LRRC56: variants seen among roughly 807,000 people sequenced by gnomAD.
LRRC56 encodes leucine rich repeat containing 56, also known as leucine-rich repeat-containing protein 56.
A neutral mutation model predicts 47.8 loss-of-function variants in LRRC56; 41 were observed. That is an observed-to-expected ratio of 0.86 (90% confidence interval 0.67 to 1.11). The LOEUF (loss-of-function observed/expected upper bound fraction) is 1.11, where lower values mean the gene tolerates loss of function less well. Ranked by LOEUF, LRRC56 falls within the 50% of genes most tolerant of loss-of-function variation. The pLI, the probability that LRRC56 is intolerant of heterozygous loss-of-function variation, is 0.00. For missense variants in LRRC56, 759 were observed against 704.2 expected (o/e 1.08, Z -0.88); for synonymous variants, 387 against 311.2 (o/e 1.24, Z -2.56).
the LRRC56 span, among the ~76,000 whole-genome samples, chr11:508,406 G>C: frequency 1.3e-3 from 194 of 152,354 alleles, no homozygotes; most frequent in Non-Finnish European, 2.4e-3. Context: ...TGATCCTCCT[G>C]CTTCAGCCTC....
chr11:541,687 C>G lies in LRRC56; in HGVS notation c.265+63C>G. Reference sequence around the variant, plus strand: ...GCCACGCCTCCCTGTAAACAACACACGTTTCCTGGTTATGACGACAAAGCT... The same window carrying G: ...GCCACGCCTCCCTGTAAACAACACAGGTTTCCTGGTTATGACGACAAAGCT... On this transcript the variant is annotated intron_variant, in intron 5 of 13. Transcript: ENST00000270115. The surrounding 1 kb of genome is among the most constrained non-coding windows in gnomAD (Gnocchi z 4.1). 1 of 1,037,864 alleles carries G rather than the reference C, an allele frequency of 9.6e-7. No individual in the cohort carries two copies. The allele number at this position is 1,037,864 out of a possible 1,614,324, so 64.3% of individuals were successfully genotyped here.
the LRRC56 span, among the ~76,000 whole-genome samples, chr11:525,904 TAAA>T: frequency 6.9e-6 from 1 of 145,338 alleles, no homozygotes; most frequent in Admixed American, 6.8e-5. Context: ...CTCCAACAAA[TAAA>T]TAAATAGGCC....
chr11:513,296 G>A, the LRRC56 span, among the ~76,000 whole-genome samples: 1 of 152,118 alleles, frequency 6.6e-6, no homozygotes, highest in Non-Finnish European at 1.5e-5. Context: ...GGGATTACAG[G>A]CACACGCCAC....
chr11:513,779 G>A, the LRRC56 span, among the ~76,000 whole-genome samples: 5 of 146,640 alleles, frequency 3.4e-5, no homozygotes, highest in East Asian at 4.1e-4. Context: ...CCGAGATCAC[G>A]CCATTGAACT....
upstream of LRRC56, among the ~76,000 whole-genome samples, chr11:536,116 T>C (rs1283700142): frequency 6.6e-6 from 1 of 152,068 alleles, no homozygotes; most frequent in East Asian, 1.9e-4. Flanking sequence ...GCACCCCAGC[T>C]CCCCTACTCC....
At chr11:519,120 C>T in the LRRC56 span, among the ~76,000 whole-genome samples, 1 of 152,146 alleles carries the variant, frequency 6.6e-6, no homozygotes, top group Non-Finnish European at 1.5e-5. Context: ...AAGAACTACC[C>T]AAAAGCTAGA....
the LRRC56 span, among the ~76,000 whole-genome samples, chr11:518,491 A>C: frequency 1.3e-5 from 2 of 150,816 alleles, no homozygotes; most frequent in African/African-American, 2.4e-5. Flanking sequence ...CAGCTTTTTA[A>C]ATTTTTTTTG....
chr11:541,427 ACGT>A lies in LRRC56; in HGVS notation c.178-107_178-105del. ...GGGCCAACATGGCCCAGGCAGGGAA[ACGT>A]CGGTGCCTGCTCCAGCGGGAGCCCC... On this transcript the variant is annotated intron_variant, in intron 4 of 13. Coordinates refer to ENST00000270115, the MANE Select transcript of LRRC56 (RefSeq NM_198075.4). This position sits in a 1 kb window ranked among gnomAD's most constrained non-coding sequence, Gnocchi z 4.1. The A allele has an allele frequency of 3.6e-6, 2 of 556,438 alleles. No homozygotes were observed. Among genetic ancestry groups the A allele is most frequent in the South Asian group, 3.5e-5 (1 of 28,706 alleles). 34.5% of individuals were successfully genotyped at this position (556,438 alleles called of 1,614,324 possible).
chr11:508,714 C>G, the LRRC56 span, among the ~76,000 whole-genome samples: 3 of 151,040 alleles, frequency 2.0e-5, no homozygotes, highest in Non-Finnish European at 4.4e-5. Flanking sequence ...TTGCAGCGAG[C>G]CTAGACCACA....
At chr11:526,332 A>G in the LRRC56 span, among the ~76,000 whole-genome samples, 4 of 152,208 alleles carry the variant, frequency 2.6e-5, no homozygotes, top group African/African-American at 4.8e-5. Flanking sequence ...AGCCAACTGC[A>G]AACTGAAACC....
chr11:554,695 GC>G lies in LRRC56; in HGVS notation c.*422del. On this transcript the variant is annotated 3_prime_UTR_variant, in exon 14 of 14. Transcript: ENST00000270115. Reference sequence around the variant, plus strand: ...AAGAGCCACCTCCTAGGCCGCAGTGGCCCAAGGTCCCAGCTGCTCGCCTGAG... The same window carrying G: ...AAGAGCCACCTCCTAGGCCGCAGTGGCCAAGGTCCCAGCTGCTCGCCTGAG... The G allele has an allele frequency of 2.3e-6, 1 of 438,416 alleles. No homozygotes were observed. The highest frequency in any genetic ancestry group is 4.3e-5 in the Admixed American group (1 of 23,170). 27.2% of individuals were successfully genotyped at this position (438,416 alleles called of 1,614,324 possible). A position where few individuals can be genotyped will look rare whatever the true frequency, so the allele number is the denominator to read the frequency against.
chr11:538,117 A>T (rs980435962), intron 1 of LRRC56, among the ~76,000 whole-genome samples: 1 of 152,250 alleles, frequency 6.6e-6, no homozygotes, highest in Non-Finnish European at 1.5e-5. Context: ...GGGTGAGAAC[A>T]CTAGGTGCAG....
chr11:510,196 A>G, the LRRC56 span, among the ~76,000 whole-genome samples: 2 of 152,338 alleles, frequency 1.3e-5, no homozygotes, highest in East Asian at 3.9e-4. Context: ...CCCAGTGTTC[A>G]TGAGATGCCA....
rs1702920372 is a variant in LRRC56, at chr11:539,619, A to C, written c.-119A>C. On this transcript the variant is annotated 5_prime_UTR_variant, in exon 3 of 14. Transcript: ENST00000270115. Reference sequence around the variant, plus strand: ...CACCGTGTTAGCCAGGATGGTCTCAATCTCCTGACCTCGTGATCTGCCCGC... The same window carrying C: ...CACCGTGTTAGCCAGGATGGTCTCACTCTCCTGACCTCGTGATCTGCCCGC... The C allele has an allele frequency of 1.3e-5, 2 of 149,532 alleles. No homozygotes were observed. The highest frequency in any genetic ancestry group is 5.0e-5 in the African/African-American group (2 of 40,314). 9.3% of individuals were successfully genotyped at this position (149,532 alleles called of 1,614,324 possible). A position where few individuals can be genotyped will look rare whatever the true frequency, so the allele number is the denominator to read the frequency against.
chr11:547,316 C>T (rs900986935), intron 6 of LRRC56, among the ~76,000 whole-genome samples: 3 of 148,330 alleles, frequency 2.0e-5, no homozygotes, highest in Non-Finnish European at 4.5e-5. Flanking sequence ...GATGGCTGTA[C>T]TTTTTTTTTT....
chr11:551,616 G>A lies in LRRC56; in HGVS notation c.797-35G>A, dbSNP rs1852396781. The A allele has an allele frequency of 2.0e-6, 3 of 1,525,062 alleles. No individual in the cohort carries two copies. In the Admixed American group the frequency reaches 6.4e-5, roughly 33 times the overall value. 94.5% of individuals were successfully genotyped at this position (1,525,062 alleles called of 1,614,324 possible). ...GAGTCTGGGGGGCGCTCTCAGGCTGGGCCTTGGTGACCTCTGCTTCTGAAC... is the reference window on the plus strand; with the variant it reads ...GAGTCTGGGGGGCGCTCTCAGGCTGAGCCTTGGTGACCTCTGCTTCTGAAC... On this transcript the variant is annotated intron_variant, in intron 9 of 13. Coordinates refer to ENST00000270115, the MANE Select transcript of LRRC56 (RefSeq NM_198075.4).
the LRRC56 span, among the ~76,000 whole-genome samples, chr11:525,324 G>A: frequency 6.6e-5 from 10 of 151,994 alleles, no homozygotes; most frequent in Non-Finnish European, 1.2e-4. Context: ...CGGATCACGA[G>A]GTCAGGAGAT....
chr11:548,806 G>A (rs916773881), intron 6 of LRRC56, among the ~76,000 whole-genome samples: 3 of 152,252 alleles, frequency 2.0e-5, no homozygotes, highest in African/African-American at 7.2e-5. Context: ...CTTAGACGTC[G>A]CCACAGTGGA....
At position 551,896 on chromosome 11, in the gene LRRC56, C is replaced by T; in HGVS notation, c.974-7C>T. 1 of 1,612,662 alleles carries T rather than the reference C, an allele frequency of 6.2e-7. No individual in the cohort carries two copies. The highest frequency in any genetic ancestry group is 8.5e-7 in the Non-Finnish European group (1 of 1,179,872). The stretch of plus-strand genomic sequence containing the variant: ...CGAACCAGGCCCAGCCATGCTGTCT[C>T]TTGCAGGTGCTGGCCAAGTCCTCTG... On this transcript the variant is annotated splice_polypyrimidine_tract_variant and splice_region_variant and intron_variant, in intron 10 of 13. Coordinates refer to ENST00000270115, the MANE Select transcript of LRRC56 (RefSeq NM_198075.4).
Sources: allele counts gnomAD v4.1 joint callset (sites outside exome capture counted in the v4.1 genomes callset), GRCh38; gene constraint gnomAD v4.1.1; non-coding constraint Gnocchi (gnomAD v3.1); transcripts MANE v1.5; gene names NCBI Gene and HGNC (gene_info 2026-07-23, HGNC 2026-07-21).